ZNF133: variants seen among roughly 807,000 people sequenced by gnomAD.
ZNF133 encodes the protein zinc finger protein 133.
A neutral mutation model predicts 54.9 loss-of-function variants in ZNF133; 26 were observed. That is an observed-to-expected ratio of 0.47 (90% CI 0.35 to 0.66). ZNF133 has a LOEUF of 0.66. Ranked by LOEUF, ZNF133 falls within the 30% of genes least tolerant of loss-of-function variation. The pLI is 0.01. For synonymous variants in ZNF133, 298 were observed against 320.3 expected, an observed-to-expected ratio of 0.93 and a Z score of 0.74; for missense variants, 653 against 820.8, an observed-to-expected ratio of 0.80 and a Z score of 2.50.
rs771797075 is a variant in ZNF133, at chr20:18,305,032, C to G, written c.-153C>G. On this transcript the variant is annotated 5_prime_UTR_variant, in exon 4 of 7. Coordinates refer to ENST00000425686, the MANE Select transcript of ZNF133 (RefSeq NM_001352452.2). This position sits in a 1 kb window ranked among gnomAD's most constrained non-coding sequence, Gnocchi z 4.7. ...GTGTGTCCTCCATTTGGAAGTAGTG[C>G]TAAGAAAATTAAAAGAATAAAACTG... 2.0e-5 allele frequency: 20 copies of G among 985,188 alleles called. No individual in the cohort carries two copies. Among genetic ancestry groups the G allele is most frequent in the Non-Finnish European group, 2.3e-5 (19 of 829,950 alleles). The allele number at this position is 985,188 out of a possible 1,614,324, so 61.0% of individuals were successfully genotyped here.
At position 18,305,795 on chromosome 20, in the gene ZNF133, C is replaced by G; in HGVS notation, c.109C>G (p.Leu37Val). 2.5e-6 allele frequency: 4 copies of G among 1,613,352 alleles called. No homozygotes were observed. The highest frequency in any genetic ancestry group is 3.4e-6 in the Non-Finnish European group (4 of 1,179,608). ...GGTGATGCTGGAGAACTACAGCAAC[C>G]TGGTCTCACTGGGTAAGCCTGATAT... is the stretch of plus-strand genomic sequence containing the variant. Reference protein sequence around the residue: ...REVMLENYSNLVSLGISFSKP... With the variant: ...REVMLENYSNVVSLGISFSKP... The change falls in exon 5 of 7, where the codon CTG (leucine) becomes GTG (valine). Residue 37 changes from leucine (L) to valine (V), a missense_variant. By Grantham distance (32) the Leu-to-Val change is conservative (BLOSUM62 1). Transcript: ENST00000425686. This position sits in a 1 kb window ranked among gnomAD's most constrained non-coding sequence, Gnocchi z 4.7.
At position 18,315,117 on chromosome 20, in the gene ZNF133, T is replaced by C. The variant is rs1274733589; in HGVS notation, c.266T>C (p.Phe89Ser). Residue 89 changes from phenylalanine (F) to serine (S), a missense_variant, in exon 7 of 7, where the codon TTC becomes TCC. Coordinates refer to ENST00000425686, the MANE Select transcript of ZNF133 (RefSeq NM_001352452.2). ...LYLDPFCPPG[F>S]SSQKFPMQHV... ...CTCGATCCTTTCTGCCCTCCGGGTT[T>C]CTCCAGTCAGAAATTCCCCATGCAG... 6.4e-7 allele frequency: 1 copy of C among 1,571,122 alleles called. No individual in the cohort carries two copies. Among genetic ancestry groups the C allele is most frequent in the South Asian group, 1.2e-5 (1 of 83,900 alleles).
chr20:18,316,512 A>G lies in ZNF133; in HGVS notation c.1661A>G (p.Gln554Arg). Residue 554 changes from glutamine to arginine, a missense_variant, in exon 7 of 7, where the codon CAG becomes CGG. By Grantham distance (43) the Gln-to-Arg change is conservative. This residue lies in a region of ZNF133 where 129 missense variants were observed against 138.5 expected (regional missense o/e 0.93). Transcript: ENST00000425686. ...HSREKPYMCR[Q>R]CGLGFGNKSA... ...AGGGAGAAGCCCTACATGTGCAGGC[A>G]GTGTGGACTGGGCTTTGGCAATAAG... is the stretch of plus-strand genomic sequence containing the variant. 6.2e-7 allele frequency: 1 copy of G among 1,614,048 alleles called. No homozygotes were observed.
chr20:18,306,157 C>A (rs2044539535), intron 5 of ZNF133, 141 bp from the exon 6 acceptor site: 3 of 728,500 alleles, frequency 4.1e-6, no homozygotes, highest in Admixed American at 5.6e-5. Context: ...CTCATCCCTT[C>A]CATTTCTGAG....
At chr20:18,295,232 T>C (rs2146986111) in intron 1 of ZNF133, 1 of 152,344 alleles carries the variant, frequency 6.6e-6, no homozygotes, top group South Asian at 2.1e-4. Flanking sequence ...TGTTGGGAGG[T>C]TCTAGCAGGG....
intron 6 of ZNF133, among the ~76,000 whole-genome samples, chr20:18,310,510 T>G (rs997118454): frequency 3.9e-5 from 6 of 152,120 alleles, no homozygotes; most frequent in African/African-American, 1.4e-4. Context: ...TTATGTTAAG[T>G]GAAATGAGCC....
chr20:18,289,191 G>T (rs940460365), intron 1 of ZNF133, among the ~76,000 whole-genome samples: 13 of 152,106 alleles, frequency 8.5e-5, no homozygotes, highest in African/African-American at 2.4e-4. Flanking sequence ...CGATCTTAGG[G>T]TTTCACTTTG....
chr20:18,296,230 G>C (rs2042212322), intron 1 of ZNF133, among the ~76,000 whole-genome samples: 1 of 151,842 alleles, frequency 6.6e-6, no homozygotes, highest in Non-Finnish European at 1.5e-5. Context: ...CAGTCTTTTT[G>C]CTAAATTTCC....
At chr20:18,296,062 C>A (rs900971772) in intron 1 of ZNF133, among the ~76,000 whole-genome samples, 23 of 152,144 alleles carry the variant, frequency 1.5e-4, no homozygotes, top group African/African-American at 5.6e-4. Flanking sequence ...TGATCAGCAA[C>A]CTTTTTCTAC....
intron 1 of ZNF133, among the ~76,000 whole-genome samples, chr20:18,294,420 C>T (rs1405519670): frequency 6.6e-6 from 1 of 152,048 alleles, no homozygotes; most frequent in African/African-American, 2.4e-5. Context: ...GGATCCTGGA[C>T]CAGAAAAAGT....
rs200887573 is a variant in ZNF133 at position 18,316,147 on chromosome 20, C to T, written c.1296C>T (p.His432=). The change falls in exon 7 of 7, where the codon CAC becomes CAT. Residue 432 remains histidine, a synonymous_variant. Transcript: ENST00000425686. The part of the protein sequence containing the change: ...NSTLISHRRT[H]TGEKPYVCGV... ...CCCTCATCTCTCACAGGCGGACACA[C>T]ACTGGGGAGAAGCCGTATGTTTGTG... 3.5e-5 allele frequency: 56 copies of T among 1,612,458 alleles called. No homozygotes were observed. The highest frequency in any genetic ancestry group is 1.7e-4 in the Middle Eastern group (1 of 6,056).
chr20:18,291,678 C>G (rs901602596), intron 1 of ZNF133, among the ~76,000 whole-genome samples: 2 of 151,858 alleles, frequency 1.3e-5, no homozygotes, highest in Non-Finnish European at 2.9e-5. Context: ...TCCTGGTCCC[C>G]TACTGTCTCC....
intron 3 of ZNF133, among the ~76,000 whole-genome samples, chr20:18,304,572 G>T (rs1421997399): frequency 6.6e-6 from 1 of 152,186 alleles, no homozygotes; most frequent in Non-Finnish European, 1.5e-5. Context: ...AGTAAATTCT[G>T]AGTGCATGCT....
At chr20:18,309,697 A>T (rs566556545) in intron 6 of ZNF133, among the ~76,000 whole-genome samples, 14 of 152,208 alleles carry the variant, frequency 9.2e-5, no homozygotes, top group African/African-American at 3.4e-4. Flanking sequence ...TAGGTGATCA[A>T]ATATTCAGGG....
chr20:18,315,637 G>A lies in ZNF133; in HGVS notation c.786G>A (p.Lys262=), dbSNP rs2047279740. The A allele has an allele frequency of 3.1e-6, 5 of 1,613,980 alleles. No homozygotes were observed. Among genetic ancestry groups the A allele is most frequent in the Non-Finnish European group, 4.2e-6 (5 of 1,179,986 alleles). ...SLKKSLARHQ[K]AHSGEKPIVC... ...AGAAGAGCCTCGCCAGACACCAGAA[G>A]GCACACTCGGGGGAGAAGCCAATTG... is the stretch of plus-strand genomic sequence containing the variant. Residue 262 remains lysine, a synonymous_variant, in exon 7 of 7, where the codon AAG becomes AAA. Transcript: ENST00000425686.
chr20:18,297,818 G>A (rs1339788536), intron 1 of ZNF133, among the ~76,000 whole-genome samples, 167 bp from the exon 2 acceptor site: 1 of 152,034 alleles, frequency 6.6e-6, no homozygotes, highest in African/African-American at 2.4e-5. Context: ...TCTCTTGCTT[G>A]TTTTTCCTTT....
chr20:18,316,430 T>C lies in ZNF133; in HGVS notation c.1579T>C (p.Cys527Arg). The C allele has an allele frequency of 6.2e-7, 1 of 1,613,720 alleles. No homozygotes were observed. Among genetic ancestry groups the C allele is most frequent in the Non-Finnish European group, 8.5e-7 (1 of 1,179,920 alleles). ...GGAGAGGCCGTATGTGTGCCGAGAG[T>C]GCGGGCGAGGCTTTAGCCACCAGGC... ...SGERPYVCRE[C>R]GRGFSHQAGL... The change falls in exon 7 of 7, where the codon TGC (cysteine) becomes CGC (arginine). Residue 527 changes from cysteine (C) to arginine (R), a missense_variant. Cys to Arg is a radical substitution (Grantham distance 180). Coordinates refer to ENST00000425686, the MANE Select transcript of ZNF133 (RefSeq NM_001352452.2).
chr20:18,310,323 A>C, intron 6 of ZNF133: 1 of 1,530,088 alleles, frequency 6.5e-7, no homozygotes, highest in Non-Finnish European at 8.7e-7. Flanking sequence ...AATACATCTT[A>C]ACGGTTTCAT....
Position 18,298,443 on chromosome 20 carries a change from CA to C in ZNF133, c.-198del. 6.6e-6 allele frequency: 4 copies of C among 609,462 alleles called. No individual in the cohort carries two copies. Among genetic ancestry groups the C allele is most frequent in the Non-Finnish European group, 8.5e-6 (4 of 468,916 alleles). 37.8% of individuals were successfully genotyped at this position (609,462 alleles called of 1,614,324 possible). On this transcript the variant is annotated 5_prime_UTR_variant, in exon 3 of 7. Transcript: ENST00000425686. ...AGTCTAGTTGAAGGCCTCCAGTTCCCAGGGGGAAGGAAGCATGGAGGGTAAG... is the reference window on the plus strand; with the variant it reads ...AGTCTAGTTGAAGGCCTCCAGTTCCCGGGGGAAGGAAGCATGGAGGGTAAG...
Sources: gnomAD v4.1 joint callset for allele counts (sites outside exome capture counted in the v4.1 genomes callset) on GRCh38, gnomAD v4.1.1 for gene constraint, gnomAD v4.1.1 regional missense constraint, Gnocchi (gnomAD v3.1) non-coding constraint, MANE v1.5 for transcripts, NCBI Gene and HGNC (gene_info 2026-07-23, HGNC 2026-07-21) for gene names.